Variants in SKAP1 observed in about 807,000 individuals in gnomAD.
The protein encoded by SKAP1 is src kinase associated phosphoprotein 1.
In SKAP1, 44 loss-of-function variants were observed where a neutral mutation model predicts 58.5. The observed-to-expected ratio is 0.75, with a 90% CI of 0.59 to 0.97. SKAP1 has a LOEUF of 0.97. Among genes scored for constraint, SKAP1 ranks in the 50% least tolerant of loss-of-function variants. The probability of loss-of-function intolerance (pLI) is 0.00; values close to 1 mark genes in which losing one functional copy is unlikely to be tolerated. For missense variants in SKAP1, 390 were observed against 435.2 expected (o/e 0.90, Z 0.92); for synonymous variants, 127 against 149.7 (o/e 0.85, Z 1.11).
At chr17:48,332,559 C>T (rs1014279159) in intron 4 of SKAP1, among the ~76,000 whole-genome samples, 3 of 152,172 alleles carry the variant, frequency 2.0e-5, no homozygotes, top group African/African-American at 4.8e-5. Flanking sequence ...TTACTGCAAA[C>T]CTGCTGCATC....
intron 1 of SKAP1, among the ~76,000 whole-genome samples, chr17:48,428,655 C>A (rs555863245): frequency 1.3e-5 from 2 of 152,100 alleles, no homozygotes; most frequent in African/African-American, 4.8e-5. Flanking sequence ...ATGACAGATA[C>A]CAATAAAAAG....
At chr17:48,218,232 A>T (rs1013210803) in intron 4 of SKAP1, among the ~76,000 whole-genome samples, 12 of 152,224 alleles carry the variant, frequency 7.9e-5, no homozygotes, top group Non-Finnish European at 1.5e-5. Context: ...GTTGCAGGTC[A>T]GGAGGAAGAC....
At chr17:48,273,922 A>T (rs914027653) in intron 4 of SKAP1, among the ~76,000 whole-genome samples, 7 of 150,344 alleles carry the variant, frequency 4.7e-5, no homozygotes, top group African/African-American at 1.7e-4. Flanking sequence ...ATTCTATTTT[A>T]AAACGTTTAC....
At chr17:48,371,103 G>A (rs1316337535) in intron 2 of SKAP1, among the ~76,000 whole-genome samples, 5 of 152,130 alleles carry the variant, frequency 3.3e-5, no homozygotes, top group Admixed American at 2.6e-4. Flanking sequence ...ATAAAGGTGT[G>A]AGCAATAGAT....
At position 48,236,232 on chromosome 17, in the gene SKAP1, C is replaced by A. The variant is rs535770504; in HGVS notation, c.281-46732G>T. 1.1e-4 allele frequency among the ~76,000 whole-genome samples: 17 copies of A among 152,194 alleles called. No homozygotes were observed. In the South Asian group the frequency reaches 3.1e-3, roughly 28 times the overall value. ...TTCAAAGTTTTAGGTACTGGAGAGA[C>A]AAAGATGAGTAAAATAACTGCTGTG... On this transcript the variant is annotated intron_variant, in intron 4 of 12. Transcript: ENST00000336915.
chr17:48,414,121 T>C (rs2067702967), intron 1 of SKAP1, among the ~76,000 whole-genome samples: 1 of 152,206 alleles, frequency 6.6e-6, no homozygotes, highest in African/African-American at 2.4e-5. Context: ...ACTAAGAGTT[T>C]ACAGTCTAGC....
chr17:48,263,961 C>T (rs1360280951), intron 4 of SKAP1, among the ~76,000 whole-genome samples: 2 of 151,954 alleles, frequency 1.3e-5, no homozygotes, highest in African/African-American at 4.8e-5. Context: ...CAGAGACGTA[C>T]ATTTGCAGAG....
At chr17:48,444,162 A>T in the SKAP1 span, among the ~76,000 whole-genome samples, 1 of 99,334 alleles carries the variant, frequency 1.0e-5, no homozygotes, top group East Asian at 2.5e-4. Flanking sequence ...TGGAAGGCTA[A>T]GGCGGGTGGA....
At chr17:48,182,295 G>GCAGAAAAAATA in intron 8 of SKAP1, 99 bp downstream of exon 8, 1 of 816,618 alleles carries the variant, frequency 1.2e-6, no homozygotes, top group East Asian at 2.6e-5. Context: ...GTGAGAAAGG[G>GCAGAAAAAATA]CAGAAAAAAT....
chr17:48,306,248 A>G (rs1285749060), intron 4 of SKAP1, among the ~76,000 whole-genome samples: 1 of 152,222 alleles, frequency 6.6e-6, no homozygotes, highest in African/African-American at 2.4e-5. Context: ...TATTCCCAGT[A>G]TAACATATCC....
At chr17:48,429,995 G>A in intron 1 of SKAP1, 80 bp downstream of exon 1, 2 of 1,173,438 alleles carry the variant, frequency 1.7e-6, no homozygotes, top group Non-Finnish European at 2.2e-6. Context: ...AAGCCGTAAA[G>A]AAAGCCTGGC....
intron 10 of SKAP1, among the ~76,000 whole-genome samples, chr17:48,168,766 C>T (rs1208523218): frequency 6.6e-6 from 1 of 152,118 alleles, no homozygotes; most frequent in Admixed American, 6.6e-5. Flanking sequence ...GAGCTCCCTG[C>T]CTTTTAAATG....
the SKAP1 span, among the ~76,000 whole-genome samples, chr17:48,441,124 CCAAA>C: frequency 3.9e-5 from 6 of 152,098 alleles, no homozygotes; most frequent in Non-Finnish European, 5.9e-5. Context: ...AAAACAAAAA[CCAAA>C]CAAACAAACA....
At chr17:48,170,394 G>C (rs577445993) in intron 10 of SKAP1, among the ~76,000 whole-genome samples, 62 of 152,320 alleles carry the variant, frequency 4.1e-4, no homozygotes, top group African/African-American at 1.5e-3. Flanking sequence ...AATCTTGGCT[G>C]TTCTGGGAAC....
chr17:48,213,912 G>C (rs2064906818), intron 4 of SKAP1, among the ~76,000 whole-genome samples: 1 of 152,116 alleles, frequency 6.6e-6, no homozygotes, highest in Non-Finnish European at 1.5e-5. Context: ...AGCACTCAAG[G>C]GTGGCCAGAC....
chr17:48,376,247 T>C (rs1327664300), intron 2 of SKAP1, among the ~76,000 whole-genome samples: 2 of 152,060 alleles, frequency 1.3e-5, no homozygotes, highest in African/African-American at 4.8e-5. Flanking sequence ...CTGTGGCCCA[T>C]ATACTCACTG....
At chr17:48,151,705 G>A (rs1184780198) in intron 11 of SKAP1, among the ~76,000 whole-genome samples, 1 of 151,980 alleles carries the variant, frequency 6.6e-6, no homozygotes, top group African/African-American at 2.4e-5. Context: ...ATTAAAAAAC[G>A]GTAAAGTTCA....
chr17:48,222,690 G>A, intron 4 of SKAP1, among the ~76,000 whole-genome samples: 1 of 151,426 alleles, frequency 6.6e-6, no homozygotes. Flanking sequence ...ATGTTGGCCA[G>A]GCTGGTCTTG....
intron 1 of SKAP1, among the ~76,000 whole-genome samples, chr17:48,398,238 G>A (rs1336026254): frequency 1.3e-5 from 2 of 152,150 alleles, no homozygotes; most frequent in African/African-American, 4.8e-5. Context: ...TCCAGCTCCT[G>A]TCAGATCAGT....
Sources: gnomAD v4.1 joint callset for allele counts (sites outside exome capture counted in the v4.1 genomes callset) on GRCh38, gnomAD v4.1.1 for gene constraint, MANE v1.5 for transcripts, NCBI Gene and HGNC (gene_info 2026-07-23, HGNC 2026-07-21) for gene names.